The following USP34 variants were observed in gnomAD, a reference collection of about 807,000 sequenced individuals.
USP34 encodes the protein ubiquitin specific peptidase 34.
USP34 carries 70 observed loss-of-function variants against 460.3 expected under a neutral mutation model. That is an observed-to-expected ratio of 0.15 (90% CI 0.13 to 0.19). The LOEUF (loss-of-function observed/expected upper bound fraction) is 0.19, where lower values mean the gene tolerates loss of function less well. Among genes scored for constraint, USP34 ranks in the 10% least tolerant of loss-of-function variants. The pLI is 1.00. For synonymous variants in USP34, 1,647 were observed against 1,405.3 expected, an observed-to-expected ratio of 1.17 and a Z score of -3.85; for missense variants, 3,985 against 4,236.2, an observed-to-expected ratio of 0.94 and a Z score of 1.65.
intron 48 of USP34, 115 bp downstream of exon 48, chr2:61,256,269 C>A: frequency 1.1e-6 from 1 of 897,584 alleles, no homozygotes; most frequent in Non-Finnish European, 1.7e-6. Context: ...GAGCTCCATG[C>A]AGCTGATTTT....
At chr2:61,228,467 T>C (rs1413277975) in intron 61 of USP34, among the ~76,000 whole-genome samples, 178 bp downstream of exon 61, 1 of 152,226 alleles carries the variant, frequency 6.6e-6, no homozygotes. Context: ...GTTGTTTCTT[T>C]CTTGCTATAT....
In USP34 at chr2:61,188,312, C is replaced by G. The variant is rs1470861368; in HGVS notation, c.10431G>C (p.Leu3477=). 4 of 1,613,570 alleles carry G rather than the reference C, an allele frequency of 2.5e-6. No homozygotes were observed. The highest frequency in any genetic ancestry group is 3.4e-6 in the Non-Finnish European group (4 of 1,180,032). Residue 3477 remains leucine (L), a synonymous_variant, in exon 80 of 80, where the codon CTG becomes CTC. Coordinates refer to ENST00000398571, the MANE Select transcript of USP34 (RefSeq NM_014709.4). ...EFPSTSISAV[L]SDLADLRSCD... ...AGCTTCTCAAGTCAGCTAAGTCAGA[C>G]AGAACTGCAGAGATAGAAGTAGAAG...
At chr2:61,198,128 ATTAAT>A (rs1411536792) in intron 75 of USP34, among the ~76,000 whole-genome samples, 4 of 152,234 alleles carry the variant, frequency 2.6e-5, no homozygotes, top group African/African-American at 9.6e-5. Context: ...AATCATTACA[ATTAAT>A]TTAAACCTTA....
intron 20 of USP34, among the ~76,000 whole-genome samples, chr2:61,328,011 C>G (rs562797734): frequency 6.6e-6 from 1 of 152,326 alleles, no homozygotes; most frequent in East Asian, 1.9e-4. Flanking sequence ...CTTTTAAGAA[C>G]ATACTACAGG....
At chr2:61,352,254 G>A (rs1257736762) in intron 10 of USP34, among the ~76,000 whole-genome samples, 2 of 151,926 alleles carry the variant, frequency 1.3e-5, no homozygotes, top group African/African-American at 2.4e-5. Context: ...TTGCCAACAA[G>A]TAACTCTTAC....
chr2:61,470,599 G>A (rs763728830), intron 1 of USP34, 51 bp downstream of exon 1: 4 of 1,331,624 alleles, frequency 3.0e-6, no homozygotes, highest in South Asian at 2.4e-5. Context: ...AGAGAGCTGC[G>A]CGAGGACCCC....
intron 13 of USP34, among the ~76,000 whole-genome samples, 163 bp from the exon 14 acceptor site, chr2:61,349,049 G>A (rs959532934): frequency 8.7e-6 from 1 of 115,434 alleles, no homozygotes; most frequent in African/African-American, 3.4e-5. Context: ...GATTTCTAAA[G>A]AAGATGTAAG....
intron 2 of USP34, among the ~76,000 whole-genome samples, chr2:61,420,406 A>G (rs1573023844): frequency 6.6e-6 from 1 of 152,186 alleles, no homozygotes. Flanking sequence ...ATCCCCTACC[A>G]CAATGACTTT....
chr2:61,398,583 G>GT (rs1472281506), intron 3 of USP34, among the ~76,000 whole-genome samples: 1 of 137,570 alleles, frequency 7.3e-6, no homozygotes, highest in Admixed American at 7.3e-5. Flanking sequence ...GAAAGTCGGG[G>GT]GAGGGAGAAA....
At chr2:61,234,024 A>T (rs1389036346) in intron 57 of USP34, among the ~76,000 whole-genome samples, 4 of 152,196 alleles carry the variant, frequency 2.6e-5, no homozygotes, top group Admixed American at 1.3e-4. Context: ...AAAAAAAGGA[A>T]TAGGGGATAG....
intron 44 of USP34, 30 bp downstream of exon 44, chr2:61,259,681 T>C: frequency 6.2e-7 from 1 of 1,604,690 alleles, no homozygotes; most frequent in Non-Finnish European, 8.5e-7. Flanking sequence ...CCACAGTGCC[T>C]GGCCTAGCCT....
intron 1 of USP34, among the ~76,000 whole-genome samples, chr2:61,435,754 C>T (rs748001853): frequency 3.9e-5 from 6 of 152,152 alleles, no homozygotes; most frequent in South Asian, 2.1e-4. Flanking sequence ...ACTGGCCATG[C>T]GCAGTGGCTC....
intron 33 of USP34, among the ~76,000 whole-genome samples, chr2:61,291,837 C>T (rs1038759444): frequency 2.0e-5 from 3 of 152,086 alleles, no homozygotes; most frequent in Non-Finnish European, 4.4e-5. Flanking sequence ...AGAAATAACC[C>T]AAATGCTTCT....
chr2:61,356,642 T>A (rs1294714425), intron 10 of USP34, among the ~76,000 whole-genome samples: 2 of 152,274 alleles, frequency 1.3e-5, no homozygotes, highest in East Asian at 1.9e-4. Context: ...ATTCCACTTA[T>A]ATCAGAAACC....
chr2:61,361,371 G>A (rs1025945657), intron 10 of USP34, among the ~76,000 whole-genome samples: 1 of 152,216 alleles, frequency 6.6e-6, no homozygotes, highest in Non-Finnish European at 1.5e-5. Context: ...GCAATGAGCT[G>A]TGACTGAACC....
At chr2:61,195,066 A>G (rs1304212417) in intron 75 of USP34, among the ~76,000 whole-genome samples, 1 of 150,648 alleles carries the variant, frequency 6.6e-6, no homozygotes, top group Admixed American at 6.6e-5. Flanking sequence ...CTAAAAATAC[A>G]AAAATTGGCT....
chr2:61,235,787 G>A (rs75803865), intron 57 of USP34, 58 bp downstream of exon 57: 3 of 1,519,016 alleles, frequency 2.0e-6, no homozygotes, highest in Middle Eastern at 1.8e-4. Context: ...TTAGATCAGA[G>A]GGGGGGAAAA....
rs1438212386 is a variant in USP34 at position 61,189,027 on chromosome 2, T to C, written c.9916A>G (p.Lys3306Glu). The C allele has an allele frequency of 1.2e-6, 2 of 1,614,228 alleles. No homozygotes were observed. Among genetic ancestry groups the C allele is most frequent in the Non-Finnish European group, 1.7e-6 (2 of 1,180,038 alleles). ...LALLLSVHTP[K>E]QLNPALIPTL... ...GGAATTAGAGCTGGGTTTAACTGTT[T>C]GGGAGTGTGTACTGACAGGAGCAAA... is the stretch of plus-strand genomic sequence containing the variant. Residue 3306 changes from lysine (K) to glutamate (E), a missense_variant, in exon 79 of 80, where the codon AAA (lysine) becomes GAA (glutamate). Physicochemically the swap from Lys to Glu is moderately conservative, Grantham distance 56 (BLOSUM62 1). This residue lies in a region of USP34 where 506 missense variants were observed against 439.0 expected (regional missense o/e 1.15). Coordinates refer to ENST00000398571, the MANE Select transcript of USP34 (RefSeq NM_014709.4).
At chr2:61,241,120 C>G (rs938422699) in intron 53 of USP34, among the ~76,000 whole-genome samples, 1 of 152,112 alleles carries the variant, frequency 6.6e-6, no homozygotes, top group African/African-American at 2.4e-5. Context: ...TCTCCATTCA[C>G]TGCAACCTCC....
Sources: gnomAD v4.1 joint callset for allele counts (sites outside exome capture counted in the v4.1 genomes callset) on GRCh38, gnomAD v4.1.1 for gene constraint, gnomAD v4.1.1 regional missense constraint, MANE v1.5 for transcripts, NCBI Gene and HGNC (gene_info 2026-07-23, HGNC 2026-07-21) for gene names.